SH3RF1: variants seen among roughly 807,000 people sequenced by gnomAD.
SH3RF1 encodes E3 ubiquitin-protein ligase SH3RF1.
In SH3RF1, 32 loss-of-function variants were observed where a neutral mutation model predicts 74.0. The ratio of observed to expected loss-of-function variants is 0.43; its 90% CI spans 0.33 to 0.58. The LOEUF (loss-of-function observed/expected upper bound fraction) is 0.58. SH3RF1 is among the 20% of genes least tolerant of loss of function. The probability of loss-of-function intolerance (pLI) is 0.05; values close to 1 mark genes in which losing one functional copy is unlikely to be tolerated. For synonymous variants in SH3RF1, 396 were observed against 439.6 expected (o/e 0.90, Z 1.24); for missense variants, 954 against 1,130.9 (o/e 0.84, Z 2.24).
intron 2 of SH3RF1, among the ~76,000 whole-genome samples, chr4:169,230,986 C>A (rs906455063): frequency 8.5e-5 from 13 of 152,118 alleles, no homozygotes; most frequent in Admixed American, 2.0e-4. Flanking sequence ...GTGTCTTGGT[C>A]CACTCCTGTG....
chr4:169,174,483 T>C (rs1003779163), intron 2 of SH3RF1, among the ~76,000 whole-genome samples: 4 of 152,166 alleles, frequency 2.6e-5, no homozygotes, highest in Non-Finnish European at 5.9e-5. Flanking sequence ...TCTAACAGTC[T>C]CAGGTGATAC....
intron 2 of SH3RF1, among the ~76,000 whole-genome samples, chr4:169,260,795 A>G (rs1731265562): frequency 6.6e-6 from 1 of 152,210 alleles, no homozygotes; most frequent in Admixed American, 6.5e-5. Context: ...GCATCAGGCT[A>G]CTTTTCACAC....
rs1734473713 is a variant in SH3RF1 at position 169,179,487 on chromosome 4, A to G, written c.394-22808T>C. Among the ~76,000 whole-genome samples, 4 of 152,318 alleles carry G rather than the reference A, an allele frequency of 2.6e-5. 1 individual carries two copies. In the South Asian group the frequency reaches 8.3e-4, roughly 32 times the overall value. On this transcript the variant is annotated intron_variant, in intron 2 of 11. Transcript: ENST00000284637. The stretch of plus-strand genomic sequence containing the variant: ...AGAGAAAACTAATACAACCATATGA[A>G]CCAATATCCAAAATTCTCATCCTTT...
At chr4:169,127,854 A>G (rs1733552257) in intron 6 of SH3RF1, among the ~76,000 whole-genome samples, 1 of 152,122 alleles carries the variant, frequency 6.6e-6, no homozygotes, top group Non-Finnish European at 1.5e-5. Flanking sequence ...TTTTCCCACT[A>G]CAGGTTGAAT....
chr4:169,160,728 C>G (rs1734137198), intron 2 of SH3RF1, among the ~76,000 whole-genome samples: 1 of 152,180 alleles, frequency 6.6e-6, no homozygotes, highest in Non-Finnish European at 1.5e-5. Flanking sequence ...GAATTCTACT[C>G]TGATTTTAAA....
At chr4:169,162,118 C>T (rs1734159158) in intron 2 of SH3RF1, among the ~76,000 whole-genome samples, 1 of 152,042 alleles carries the variant, frequency 6.6e-6, no homozygotes, top group Admixed American at 6.6e-5. Context: ...GATGGCGCCA[C>T]TGCACTCCAG....
intron 2 of SH3RF1, among the ~76,000 whole-genome samples, chr4:169,171,248 C>T (rs77498698): frequency 0.017 from 2,638 of 152,292 alleles, 69 homozygotes; most frequent in African/African-American, 0.061. Flanking sequence ...GAGAGGATTT[C>T]GGTCCATGAA....
chr4:169,245,450 T>C (rs1730979572), intron 2 of SH3RF1, among the ~76,000 whole-genome samples: 1 of 152,186 alleles, frequency 6.6e-6, no homozygotes, highest in African/African-American at 2.4e-5. Context: ...AATTTATCTA[T>C]ATAGTCCACT....
chr4:169,219,293 T>G (rs1241546551), intron 2 of SH3RF1, among the ~76,000 whole-genome samples: 2 of 152,192 alleles, frequency 1.3e-5, no homozygotes, highest in African/African-American at 4.8e-5. Context: ...GCCAAATCGT[T>G]TCTGTTCAAT....
At chr4:169,205,180 G>A (rs11932926) in intron 2 of SH3RF1, among the ~76,000 whole-genome samples, 265 of 152,290 alleles carry the variant, frequency 1.7e-3, no homozygotes, top group African/African-American at 6.0e-3. Flanking sequence ...TTTGAAACCA[G>A]ATTCAGATTT....
At chr4:169,120,683 T>C (rs1277988151) in intron 8 of SH3RF1, 136 bp downstream of exon 8, 1 of 881,488 alleles carries the variant, frequency 1.1e-6, no homozygotes, top group Non-Finnish European at 1.7e-6. Context: ...TTAGCAGATG[T>C]AGACATGGAT....
At chr4:169,129,930 A>G (rs916826271) in intron 6 of SH3RF1, 116 bp downstream of exon 6, 5 of 763,376 alleles carry the variant, frequency 6.5e-6, no homozygotes, top group Non-Finnish European at 1.1e-5. Flanking sequence ...AAAGATAGAT[A>G]CCCACCTCAC....
intron 2 of SH3RF1, among the ~76,000 whole-genome samples, chr4:169,240,957 G>C (rs961252721): frequency 2.0e-5 from 3 of 152,208 alleles, no homozygotes; most frequent in African/African-American, 7.2e-5. Context: ...CAGGCCGGGC[G>C]TGGTGGCTCA....
chr4:169,234,103 C>T (rs1730787802), intron 2 of SH3RF1, among the ~76,000 whole-genome samples: 1 of 152,052 alleles, frequency 6.6e-6, no homozygotes, highest in South Asian at 2.1e-4. Flanking sequence ...AAGCAGTGTC[C>T]TCATACAAAT....
At chr4:169,218,363 T>G (rs558886125) in intron 2 of SH3RF1, among the ~76,000 whole-genome samples, 2 of 141,502 alleles carry the variant, frequency 1.4e-5, no homozygotes, top group East Asian at 3.9e-4. Flanking sequence ...ATATATTATA[T>G]AATATATAGA....
At chr4:169,170,440 A>T (rs1734308492) in intron 2 of SH3RF1, among the ~76,000 whole-genome samples, 1 of 152,208 alleles carries the variant, frequency 6.6e-6, no homozygotes, top group Non-Finnish European at 1.5e-5. Flanking sequence ...AAAATTAATA[A>T]TCGGAATACT....
chr4:169,264,681 C>A lies in SH3RF1; in HGVS notation c.393+4139G>T, dbSNP rs140173693. Among the ~76,000 whole-genome samples the A allele has an allele frequency of 4.9e-3, 745 of 152,336 alleles. 6 individuals carry two copies. Among genetic ancestry groups the A allele is most frequent in the African/African-American group, 0.017 (714 of 41,568 alleles). On this transcript the variant is annotated intron_variant, in intron 2 of 11. Transcript: ENST00000284637. The stretch of plus-strand genomic sequence containing the variant: ...CTGAAGCCCTGCTAATCGTCTCAGT[C>A]CCAATGGTCCCTCTTTCTTATCCCA...
At chr4:169,186,298 T>A (rs1734601201) in intron 2 of SH3RF1, among the ~76,000 whole-genome samples, 1 of 152,020 alleles carries the variant, frequency 6.6e-6, no homozygotes, top group African/African-American at 2.4e-5. Flanking sequence ...CCATGACACA[T>A]GTTTACCTAT....
chr4:169,116,599 T>G lies in SH3RF1; in HGVS notation c.1809A>C (p.Ala603=). 1.3e-6 allele frequency: 2 copies of G among 1,562,678 alleles called. No individual in the cohort carries two copies. The highest frequency in any genetic ancestry group is 1.7e-6 in the Non-Finnish European group (2 of 1,151,278). Residue 603 remains alanine, a synonymous_variant, in exon 10 of 12, where the codon GCA becomes GCC. Transcript: ENST00000284637. ...VAAHNQERPT[A]AVTPIQVQNA... Reference sequence around the variant, plus strand: ...TCTGTACCTGGATGGGTGTCACTGCTGCCGTGGGGCGTTCCTGGTTGTGCG... The same window carrying G: ...TCTGTACCTGGATGGGTGTCACTGCGGCCGTGGGGCGTTCCTGGTTGTGCG...
Sources: allele counts gnomAD v4.1 joint callset (sites outside exome capture counted in the v4.1 genomes callset), GRCh38; gene constraint gnomAD v4.1.1; transcripts MANE v1.5; gene names NCBI Gene and HGNC (gene_info 2026-07-23, HGNC 2026-07-21).